The following FLRT1 variants were observed in gnomAD, a reference collection of about 807,000 sequenced individuals.
FLRT1 encodes the protein leucine-rich repeat transmembrane protein FLRT1.
A neutral mutation model predicts 30.9 loss-of-function variants in FLRT1; 14 were observed. The observed-to-expected ratio is 0.45, with a 90% CI of 0.30 to 0.71. The LOEUF is 0.71. Ranked by LOEUF, FLRT1 falls within the 30% of genes least tolerant of loss-of-function variation. The pLI is 0.08. For missense variants in FLRT1, 737 were observed against 949.2 expected (o/e 0.78, Z 2.94); for synonymous variants, 368 against 430.4 (o/e 0.85, Z 1.80).
Position 64,067,719 on chromosome 11 carries a change from C to T in FLRT1, c.-1038+31560C>T, listed in dbSNP as rs1261813627. 2.6e-5 allele frequency among the ~76,000 whole-genome samples: 4 copies of T among 152,294 alleles called. No individual in the cohort carries two copies. The highest frequency in any genetic ancestry group is 4.8e-5 in the African/African-American group (2 of 41,558). On this transcript the variant is annotated intron_variant, in intron 1 of 2. Transcript: ENST00000682287. This position sits in a 1 kb window ranked among gnomAD's most constrained non-coding sequence, Gnocchi z 4.6. ...CTGCAGTGATTGCGGACACGCCCCT[C>T]GCGAGGCACCGCAGGCTGCCACCCC...
At chr11:64,065,864 C>T (rs1045492390) in intron 1 of FLRT1, among the ~76,000 whole-genome samples, 6 of 151,484 alleles carry the variant, frequency 4.0e-5, no homozygotes, top group Admixed American at 1.3e-4. Flanking sequence ...GGTGGGAGAT[C>T]GCAACAACCA....
intron 2 of FLRT1, among the ~76,000 whole-genome samples, chr11:64,107,270 A>C (rs770748459): frequency 2.0e-5 from 3 of 152,254 alleles, no homozygotes; most frequent in Admixed American, 6.5e-5. Flanking sequence ...CAGAAATATC[A>C]GGTGTAGGAG....
chr11:64,093,502 G>A (rs1461609573), intron 1 of FLRT1, among the ~76,000 whole-genome samples: 1 of 152,230 alleles, frequency 6.6e-6, no homozygotes, highest in East Asian at 1.9e-4. Context: ...CCCCTGGTGG[G>A]GGCAGCCTGG....
intron 1 of FLRT1, among the ~76,000 whole-genome samples, chr11:64,095,542 C>A (rs975447880): frequency 5.9e-5 from 9 of 152,134 alleles, no homozygotes; most frequent in Admixed American, 3.3e-4. Flanking sequence ...TCCCTGGGGG[C>A]TGGAGGCTGG....
chr11:64,088,942 C>T (rs1323199899), intron 1 of FLRT1, among the ~76,000 whole-genome samples: 1 of 152,138 alleles, frequency 6.6e-6, no homozygotes, highest in Non-Finnish European at 1.5e-5. Context: ...GGAAGGTGGG[C>T]AGCTGTCACC....
Position 64,049,924 on chromosome 11 carries a change from G to C in FLRT1, c.-1038+13765G>C, listed in dbSNP as rs576268014. Among the ~76,000 whole-genome samples the C allele has an allele frequency of 2.6e-5, 4 of 152,322 alleles. 1 individual carries two copies. Among genetic ancestry groups the C allele is most frequent in the African/African-American group, 9.6e-5 (4 of 41,576 alleles). On this transcript the variant is annotated intron_variant, in intron 1 of 2. Transcript: ENST00000682287. ...CAGACCAAGACGCTGTGGCCCCGGG[G>C]GGGAGGCCAAACCTCTCTCAGAGCC... is the stretch of plus-strand genomic sequence containing the variant.
rs1012604281 is a variant in FLRT1, at chr11:64,068,841, G to A, written c.-1038+32682G>A. On this transcript the variant is annotated intron_variant, in intron 1 of 2. Transcript: ENST00000682287. The stretch of plus-strand genomic sequence containing the variant: ...CCTGTGTCACTGAGCAGCCCTCCCA[G>A]CCTGGTTGAGTGAGCCTCGGCCTTC... Among the ~76,000 whole-genome samples, 21 of 152,250 alleles carry A rather than the reference G, an allele frequency of 1.4e-4. No homozygotes were observed. In the East Asian group the frequency reaches 4.0e-3, roughly 29 times the overall value.
intron 1 of FLRT1, among the ~76,000 whole-genome samples, chr11:64,066,391 T>A (rs1259761788): frequency 6.7e-6 from 1 of 148,760 alleles, no homozygotes; most frequent in Non-Finnish European, 1.5e-5. Flanking sequence ...GGTGGTAGGA[T>A]CACTAGAAGC....
At chr11:64,087,658 T>C (rs1404659568) in intron 1 of FLRT1, among the ~76,000 whole-genome samples, 2 of 152,174 alleles carry the variant, frequency 1.3e-5, no homozygotes, top group Non-Finnish European at 2.9e-5. Context: ...CAGCCACGGG[T>C]CCTTGTCCTC....
Position 64,096,418 on chromosome 11 carries a change from CT to C in FLRT1, c.-1037-6764del, listed in dbSNP as rs374032073. 8.4e-4 allele frequency among the ~76,000 whole-genome samples: 122 copies of C among 145,420 alleles called. No homozygotes were observed. The highest frequency in any genetic ancestry group is 6.4e-4 in the Non-Finnish European group (42 of 65,632). ...AGGCAAGTGGTCGTTCCTGTCCCCT[CT>C]TTTTTTTTTTTGAGACTGAGTCTCG... On this transcript the variant is annotated intron_variant, in intron 1 of 2. Transcript: ENST00000682287. The surrounding 1 kb of genome is among the most constrained non-coding windows in gnomAD (Gnocchi z 4.6).
chr11:64,079,069 C>T (rs1351397292), intron 1 of FLRT1, among the ~76,000 whole-genome samples: 6 of 87,768 alleles, frequency 6.8e-5, no homozygotes, highest in South Asian at 4.0e-4. Context: ...AGACCGGGGG[C>T]GGTGGGGAGG....
chr11:64,066,439 C>A (rs1944007010), intron 1 of FLRT1, among the ~76,000 whole-genome samples: 1 of 151,598 alleles, frequency 6.6e-6, no homozygotes, highest in Admixed American at 6.6e-5. Flanking sequence ...AAAGCAAGAA[C>A]CCCGCTATCT....
In FLRT1 at chr11:64,118,151, C is replaced by T. The variant is rs767062332; in HGVS notation, c.1884C>T (p.Arg628=). The change falls in exon 3 of 3, where the codon CGC becomes CGT. Residue 628 remains arginine, a synonymous_variant. Transcript: ENST00000682287. ...AGATGCTGCCCATCAACCCGTACCG[C>T]GCCAAAGAAGAGTACGTGGTCCACA... The part of the protein sequence containing the change: ...GLQMLPINPY[R]AKEEYVVHTI... 8.7e-6 allele frequency: 14 copies of T among 1,613,732 alleles called. No individual in the cohort carries two copies. Among genetic ancestry groups the T allele is most frequent in the East Asian group, 4.5e-5 (2 of 44,896 alleles).
intron 1 of FLRT1, among the ~76,000 whole-genome samples, chr11:64,050,498 T>G (rs1419079625): frequency 6.6e-6 from 1 of 152,196 alleles, no homozygotes; most frequent in Non-Finnish European, 1.5e-5. Flanking sequence ...CCATGGATGC[T>G]TCAGCCCCCA....
Position 64,060,680 on chromosome 11 carries a change from T to C in FLRT1, c.-1038+24521T>C, listed in dbSNP as rs1279839965. On this transcript the variant is annotated intron_variant, in intron 1 of 2. Coordinates refer to ENST00000682287, the MANE Select transcript of FLRT1 (RefSeq NM_013280.5). ...AGGTCTGTCTGCGCTTCTCTTTAGTTCATTCGTTCATTCATTCATTCATTC... is the reference window on the plus strand; with the variant it reads ...AGGTCTGTCTGCGCTTCTCTTTAGTCCATTCGTTCATTCATTCATTCATTC... The C allele has an allele frequency of 3.1e-5, 4 of 127,620 alleles. No individual in the cohort carries two copies. The East Asian group carries it at 9.1e-4, about 29-fold the overall frequency. 7.9% of individuals were successfully genotyped at this position (127,620 alleles called of 1,614,324 possible).
intron 2 of FLRT1, among the ~76,000 whole-genome samples, chr11:64,110,895 C>T (rs1456387834): frequency 1.3e-5 from 2 of 152,192 alleles, no homozygotes; most frequent in African/African-American, 4.8e-5. Context: ...TCTTCCTCCC[C>T]ACCCCCAGGT....
At chr11:64,043,239 A>G (rs1468828695) in intron 1 of FLRT1, among the ~76,000 whole-genome samples, 1 of 152,204 alleles carries the variant, frequency 6.6e-6, no homozygotes, top group Non-Finnish European at 1.5e-5. Context: ...ATCATTGGAC[A>G]GGCCCCGCCA....
chr11:64,083,995 G>A (rs1328065882), intron 1 of FLRT1, among the ~76,000 whole-genome samples: 3 of 64,516 alleles, frequency 4.7e-5, no homozygotes, highest in African/African-American at 1.3e-4. Context: ...ACTGGAACAC[G>A]TGCTGGGTTC....
chr11:64,089,491 C>T (rs950518043), intron 1 of FLRT1, among the ~76,000 whole-genome samples: 4 of 152,220 alleles, frequency 2.6e-5, no homozygotes, highest in African/African-American at 9.6e-5. Context: ...CAGCCCCCTC[C>T]CCTGACTCCC....
Sources: allele counts gnomAD v4.1 joint callset (sites outside exome capture counted in the v4.1 genomes callset), GRCh38; gene constraint gnomAD v4.1.1; non-coding constraint Gnocchi (gnomAD v3.1); transcripts MANE v1.5; gene names NCBI Gene and HGNC (gene_info 2026-07-23, HGNC 2026-07-21).